Variants in KLF8 observed in about 807,000 individuals in gnomAD.
KLF8 encodes the protein KLF transcription factor 8.
A neutral mutation model predicts 18.2 loss-of-function variants in KLF8; 10 were observed. That is an observed-to-expected ratio of 0.55 (90% CI 0.34 to 0.93). The LOEUF is 0.93. Ranked by LOEUF, KLF8 falls within the 40% of genes least tolerant of loss-of-function variation. KLF8 has a pLI of 0.02. For synonymous variants in KLF8, 109 were observed against 97.3 expected (o/e 1.12, Z -0.71); for missense variants, 264 against 277.9 (o/e 0.95, Z 0.36).
At chrX:56,070,928 G>A in the KLF8 span, among the ~76,000 whole-genome samples, 4 of 112,042 alleles carry the variant, frequency 3.6e-5, no homozygotes, top group Non-Finnish European at 5.6e-5. Context: ...GACTGTATTG[G>A]GAATATATGC....
the KLF8 span, among the ~76,000 whole-genome samples, chrX:56,132,956 T>C: frequency 9.0e-6 from 1 of 111,141 alleles, no homozygotes; most frequent in Non-Finnish European, 1.9e-5. Flanking sequence ...CCCTCCTAGC[T>C]TAAATTAGGA....
chrX:55,923,089 A>G, the KLF8 span, among the ~76,000 whole-genome samples: 3 of 111,628 alleles, frequency 2.7e-5, no homozygotes, highest in Non-Finnish European at 5.6e-5. Context: ...ATGCCCATCA[A>G]TGATAGACTG....
chrX:56,234,958 C>G (rs532720365), intron 1 of KLF8, among the ~76,000 whole-genome samples: 1 of 111,861 alleles, frequency 8.9e-6, no homozygotes, highest in Non-Finnish European at 1.9e-5. Context: ...TCAAGACCAA[C>G]TTACTTAATG....
At chrX:55,999,190 A>G in the KLF8 span, among the ~76,000 whole-genome samples, 9,154 of 98,111 alleles carry the variant, frequency 0.093, 988 homozygotes, top group African/African-American at 0.32. Context: ...ATCCTGTTCT[A>G]TTGGTCTACG....
At chrX:56,111,957 T>G in the KLF8 span, among the ~76,000 whole-genome samples, 1 of 111,609 alleles carries the variant, frequency 9.0e-6, no homozygotes, top group South Asian at 3.8e-4. Context: ...AGAAATACAA[T>G]TTGACCCAGC....
the KLF8 span, among the ~76,000 whole-genome samples, chrX:56,003,819 C>T: frequency 8.9e-6 from 1 of 112,245 alleles, no homozygotes; most frequent in Non-Finnish European, 1.9e-5. Flanking sequence ...TCTACTTCTT[C>T]TTAAAATCTG....
the KLF8 span, among the ~76,000 whole-genome samples, chrX:56,052,739 C>G: frequency 8.9e-6 from 1 of 112,064 alleles, no homozygotes; most frequent in African/African-American, 3.2e-5. Flanking sequence ...GTGCCCTGCC[C>G]CCAGAGGTGT....
At chrX:56,117,460 A>C in the KLF8 span, among the ~76,000 whole-genome samples, 3 of 111,146 alleles carry the variant, frequency 2.7e-5, no homozygotes. Flanking sequence ...TAGAATATAT[A>C]GTCTACCCTG....
the KLF8 span, among the ~76,000 whole-genome samples, chrX:56,063,245 C>T: frequency 1.8e-5 from 2 of 109,754 alleles, no homozygotes; most frequent in Non-Finnish European, 3.8e-5. Context: ...GAGAAGAGGC[C>T]TTTTGGTTTT....
At chrX:55,936,032 T>C in the KLF8 span, among the ~76,000 whole-genome samples, 185 of 112,369 alleles carry the variant, frequency 1.6e-3, no homozygotes, top group Non-Finnish European at 2.2e-3. Context: ...GAGAATTAGC[T>C]GCATGGATTT....
the KLF8 span, among the ~76,000 whole-genome samples, chrX:56,220,137 G>A: frequency 8.9e-6 from 1 of 112,458 alleles, no homozygotes; most frequent in East Asian, 2.8e-4. Flanking sequence ...TGTACTTCCT[G>A]TGGATCACTT....
the KLF8 span, among the ~76,000 whole-genome samples, chrX:56,089,865 C>A: frequency 1.8e-5 from 2 of 112,352 alleles, no homozygotes; most frequent in Non-Finnish European, 3.8e-5. Context: ...CAATAAAATT[C>A]AGAAAAATTT....
At chrX:56,183,504 T>C in the KLF8 span, among the ~76,000 whole-genome samples, 4 of 111,626 alleles carry the variant, frequency 3.6e-5, no homozygotes, top group Admixed American at 3.8e-4. Flanking sequence ...ATGAAACCTG[T>C]ACCACAGTTG....
the KLF8 span, among the ~76,000 whole-genome samples, chrX:55,998,809 A>AT: frequency 0.51 from 45,979 of 89,580 alleles, 12,250 homozygotes; most frequent in East Asian, 0.74. Flanking sequence ...TGGTCTTTTA[A>AT]TTTTTTTTTT....
chrX:56,049,574 GATTTGCGTAT>G, the KLF8 span, among the ~76,000 whole-genome samples: 1 of 104,448 alleles, frequency 9.6e-6, no homozygotes, highest in African/African-American at 3.5e-5. Context: ...TACATTTATT[GATTTGCGTAT>G]ATTGAACCAG....
At chrX:56,141,242 C>T in the KLF8 span, among the ~76,000 whole-genome samples, 2 of 112,237 alleles carry the variant, frequency 1.8e-5, no homozygotes, top group African/African-American at 6.5e-5. Flanking sequence ...GCTGGGGTTA[C>T]AGGCGTGAGC....
At chrX:56,203,176 A>C in the KLF8 span, among the ~76,000 whole-genome samples, 1 of 112,509 alleles carries the variant, frequency 8.9e-6, no homozygotes, top group Non-Finnish European at 1.9e-5. Context: ...TCTAATGATC[A>C]ATGATGTTGA....
chrX:56,077,553 T>G, the KLF8 span, among the ~76,000 whole-genome samples: 1 of 112,089 alleles, frequency 8.9e-6, no homozygotes, highest in South Asian at 3.7e-4. Flanking sequence ...AGCCTTGTAG[T>G]ATAGTTTGAA....
At chrX:56,180,328 C>T in the KLF8 span, among the ~76,000 whole-genome samples, 2 of 111,659 alleles carry the variant, frequency 1.8e-5, no homozygotes, top group African/African-American at 3.3e-5. Flanking sequence ...GTGTTATCCC[C>T]TTTATCATTT....
Sources: gnomAD v4.1 joint callset for allele counts (sites outside exome capture counted in the v4.1 genomes callset) on GRCh38, gnomAD v4.1.1 for gene constraint, MANE v1.5 for transcripts, NCBI Gene and HGNC (gene_info 2026-07-23, HGNC 2026-07-21) for gene names.